The following SDK1 variants were observed in gnomAD, a reference collection of about 807,000 sequenced individuals.
The protein encoded by SDK1 is sidekick cell adhesion molecule 1.
SDK1 carries 157 observed loss-of-function variants against 245.5 expected under a neutral mutation model. The observed-to-expected ratio is 0.64, with a 90% CI of 0.56 to 0.73. The LOEUF (loss-of-function observed/expected upper bound fraction) is 0.73, where lower values mean the gene tolerates loss of function less well. Among genes scored for constraint, SDK1 ranks in the 30% least tolerant of loss-of-function variants. The pLI, the probability that SDK1 is intolerant of heterozygous loss-of-function variation, is 0.00. For synonymous variants in SDK1, 1,647 were observed against 1,278.5 expected (o/e 1.29, Z -6.15); for missense variants, 3,583 against 3,002.3 (o/e 1.19, Z -4.52).
At chr7:3,348,530 A>C (rs1395145128) in intron 1 of SDK1, among the ~76,000 whole-genome samples, 2 of 152,154 alleles carry the variant, frequency 1.3e-5, no homozygotes, top group African/African-American at 2.4e-5. Flanking sequence ...TGGGAACAGT[A>C]GACACTTGAG....
At chr7:3,782,669 GT>G (rs1780781061) in intron 4 of SDK1, among the ~76,000 whole-genome samples, 4 of 152,142 alleles carry the variant, frequency 2.6e-5, no homozygotes, top group Admixed American at 2.6e-4. Context: ...TATATTCAAA[GT>G]GCTGAATTTA....
chr7:4,092,868 G>T (rs1195765585), intron 22 of SDK1, among the ~76,000 whole-genome samples: 1 of 152,116 alleles, frequency 6.6e-6, no homozygotes, highest in East Asian at 1.9e-4. Flanking sequence ...AGCAGGGCAG[G>T]GACGAAAGCT....
At position 4,215,252 on chromosome 7, in the gene SDK1, T is replaced by A. The variant is rs1784728813; in HGVS notation, c.5540-4857T>A. 2.6e-5 allele frequency among the ~76,000 whole-genome samples: 4 copies of A among 152,208 alleles called. No homozygotes were observed. In the South Asian group the frequency reaches 8.3e-4, roughly 32 times the overall value. On this transcript the variant is annotated intron_variant, in intron 38 of 44. Coordinates refer to ENST00000404826, the MANE Select transcript of SDK1 (RefSeq NM_152744.4). ...CTCATCGGGGGCCAGAGCACTGGCATCTGATGAAGATTCCCAATTGGTGGG... is the reference window on the plus strand; with the variant it reads ...CTCATCGGGGGCCAGAGCACTGGCAACTGATGAAGATTCCCAATTGGTGGG...
chr7:3,627,078 C>G (rs1156866107), intron 2 of SDK1, among the ~76,000 whole-genome samples: 1 of 152,106 alleles, frequency 6.6e-6, no homozygotes, highest in East Asian at 1.9e-4. Flanking sequence ...CAGGCACACA[C>G]CACCATGCCC....
intron 43 of SDK1, among the ~76,000 whole-genome samples, chr7:4,242,761 C>A (rs1298465866): frequency 6.6e-6 from 1 of 152,188 alleles, no homozygotes; most frequent in Non-Finnish European, 1.5e-5. Flanking sequence ...CCCAGACAGA[C>A]CCCAGGGTTT....
intron 1 of SDK1, among the ~76,000 whole-genome samples, chr7:3,501,108 G>T (rs1049327855): frequency 1.3e-5 from 2 of 152,146 alleles, no homozygotes; most frequent in Non-Finnish European, 2.9e-5. Context: ...CAAAGTGGCA[G>T]ACTAAAACAT....
intron 4 of SDK1, among the ~76,000 whole-genome samples, chr7:3,676,005 A>G (rs941446778): frequency 3.3e-5 from 5 of 152,002 alleles, no homozygotes; most frequent in Non-Finnish European, 5.9e-5. Flanking sequence ...TGTTTGCTCT[A>G]TTGAGTTTCT....
chr7:3,756,694 A>G (rs1266689192), intron 4 of SDK1, among the ~76,000 whole-genome samples: 1 of 151,884 alleles, frequency 6.6e-6, no homozygotes, highest in African/African-American at 2.4e-5. Flanking sequence ...ATCTGTGACC[A>G]TTTTTACTCT....
chr7:4,245,427 G>A (rs1786786649), intron 43 of SDK1, among the ~76,000 whole-genome samples: 1 of 152,132 alleles, frequency 6.6e-6, no homozygotes, highest in African/African-American at 2.4e-5. Flanking sequence ...TCCTGGCACA[G>A]ACCAGCTCTT....
At chr7:3,532,116 T>A (rs1015681253) in intron 1 of SDK1, among the ~76,000 whole-genome samples, 3 of 152,228 alleles carry the variant, frequency 2.0e-5, no homozygotes, top group African/African-American at 7.2e-5. Context: ...TTTCTGTATC[T>A]TTTCAATCAG....
chr7:3,729,276 G>C (rs796638478), intron 4 of SDK1, among the ~76,000 whole-genome samples: 11 of 152,306 alleles, frequency 7.2e-5, no homozygotes, highest in African/African-American at 2.4e-4. Context: ...GGACTATGAA[G>C]GTCTATTCTC....
chr7:4,141,556 G>C (rs1447111125), intron 28 of SDK1, among the ~76,000 whole-genome samples: 1 of 152,170 alleles, frequency 6.6e-6, no homozygotes, highest in Non-Finnish European at 1.5e-5. Flanking sequence ...GATTTTGAGC[G>C]AGAAGTCTTA....
intron 4 of SDK1, among the ~76,000 whole-genome samples, chr7:3,745,542 G>A (rs961329450): frequency 6.6e-6 from 1 of 152,046 alleles, no homozygotes; most frequent in Non-Finnish European, 1.5e-5. Context: ...TTGCATGTGT[G>A]TGTGTGTGTG....
At chr7:4,224,193 G>T (rs768990682) in intron 40 of SDK1, among the ~76,000 whole-genome samples, 5 of 152,204 alleles carry the variant, frequency 3.3e-5, no homozygotes, top group Non-Finnish European at 7.3e-5. Context: ...TTGCCATAAA[G>T]AAATGTCTGA....
At chr7:3,855,067 G>A (rs1416848017) in intron 5 of SDK1, among the ~76,000 whole-genome samples, 1 of 152,138 alleles carries the variant, frequency 6.6e-6, no homozygotes, top group Non-Finnish European at 1.5e-5. Context: ...ACAGCTATCA[G>A]TATCAGGACT....
At position 3,486,556 on chromosome 7, in the gene SDK1, G is replaced by A. The variant is rs1434044044; in HGVS notation, c.299-132524G>A. ...TGCATTTTATGCTATGATTTTTTCT[G>A]ACCCTGCTGTGGCTGTTTCCCAGTC... On this transcript the variant is annotated intron_variant, in intron 1 of 44. Coordinates refer to ENST00000404826, the MANE Select transcript of SDK1 (RefSeq NM_152744.4). Among the ~76,000 whole-genome samples, 6 of 151,780 alleles carry A rather than the reference G, an allele frequency of 4.0e-5. No homozygotes were observed. The East Asian group carries it at 1.2e-3, about 29-fold the overall frequency.
chr7:3,751,510 G>T (rs1434823684), intron 4 of SDK1, among the ~76,000 whole-genome samples: 1 of 152,152 alleles, frequency 6.6e-6, no homozygotes, highest in Non-Finnish European at 1.5e-5. Flanking sequence ...TCTGGAGAGT[G>T]GTCCAGTGCC....
chr7:4,117,096 C>G (rs1229238767), intron 25 of SDK1, among the ~76,000 whole-genome samples: 2 of 152,170 alleles, frequency 1.3e-5, no homozygotes, highest in African/African-American at 4.8e-5. Context: ...AAAAGGCAGG[C>G]CAAGAAAATA....
intron 19 of SDK1, among the ~76,000 whole-genome samples, chr7:4,067,364 T>C (rs1456446901): frequency 6.6e-6 from 1 of 152,196 alleles, no homozygotes; most frequent in Non-Finnish European, 1.5e-5. Flanking sequence ...CCGATTGGGT[T>C]TGGAGCCTGG....
Sources: gnomAD v4.1 joint callset for allele counts (sites outside exome capture counted in the v4.1 genomes callset) on GRCh38, gnomAD v4.1.1 for gene constraint, MANE v1.5 for transcripts, NCBI Gene and HGNC (gene_info 2026-07-23, HGNC 2026-07-21) for gene names.